Variants in FAM135B observed in about 807,000 individuals in gnomAD.
FAM135B encodes family with sequence similarity 135 member B, also known as protein FAM135B.
Under a neutral mutation model 127.7 loss-of-function variants are expected in FAM135B, and 43 were observed. The observed-to-expected ratio is 0.34, with a 90% CI of 0.26 to 0.43. FAM135B has a LOEUF of 0.43. FAM135B is among the 20% of genes least tolerant of loss of function. The pLI, the probability that FAM135B is intolerant of heterozygous loss-of-function variation, is 1.00. For synonymous variants in FAM135B, 670 were observed against 665.1 expected (o/e 1.01, Z -0.11); for missense variants, 1,558 against 1,725.6 (o/e 0.90, Z 1.72).
At position 138,241,352 on chromosome 8, in the gene FAM135B, A is replaced by G. The variant is rs1820755154; in HGVS notation, c.669+1590T>C. ...ACAAGTCACCGGAGTCTACCCTGGA[A>G]CTGGTCTTATTTGGCTCTAAAATCT... On this transcript the variant is annotated intron_variant, in intron 7 of 19. Coordinates refer to ENST00000395297, the MANE Select transcript of FAM135B (RefSeq NM_015912.4). The surrounding 1 kb of genome is among the most constrained non-coding windows in gnomAD (Gnocchi z 4.8). Among the ~76,000 whole-genome samples the G allele has an allele frequency of 6.6e-6, 1 of 152,160 alleles. No homozygotes were observed. Among genetic ancestry groups the G allele is most frequent in the Non-Finnish European group, 1.5e-5 (1 of 68,022 alleles).
At chr8:138,300,863 G>A (rs1211737614) in intron 3 of FAM135B, among the ~76,000 whole-genome samples, 1 of 148,380 alleles carries the variant, frequency 6.7e-6, no homozygotes, top group African/African-American at 2.5e-5. Context: ...CGATTCTCCT[G>A]CCTCAGTCTC....
chr8:138,391,045 A>T (rs891227027), intron 1 of FAM135B, among the ~76,000 whole-genome samples: 3 of 152,116 alleles, frequency 2.0e-5, no homozygotes, highest in Non-Finnish European at 4.4e-5. Flanking sequence ...TATTCAGGGC[A>T]GCAGCAGATC....
At chr8:138,334,832 C>A (rs534499483) in intron 2 of FAM135B, among the ~76,000 whole-genome samples, 1 of 152,004 alleles carries the variant, frequency 6.6e-6, no homozygotes, top group Admixed American at 6.6e-5. Flanking sequence ...TTTGCTATTG[C>A]GAATAGTGCT....
At chr8:138,355,933 GA>G (rs1439272215) in intron 2 of FAM135B, among the ~76,000 whole-genome samples, 1 of 152,154 alleles carries the variant, frequency 6.6e-6, no homozygotes, top group Non-Finnish European at 1.5e-5. Flanking sequence ...AGGCCCTTTG[GA>G]ATGTGATTAA....
chr8:138,366,562 A>C (rs1830750408), intron 2 of FAM135B, among the ~76,000 whole-genome samples: 1 of 152,192 alleles, frequency 6.6e-6, no homozygotes, highest in Non-Finnish European at 1.5e-5. Flanking sequence ...TCCTTCCCTG[A>C]AACAGAAAGC....
Position 138,243,068 on chromosome 8 carries a change from AC to A in FAM135B, c.543-1del. 1 of 1,605,084 alleles carries A rather than the reference AC, an allele frequency of 6.2e-7. No individual in the cohort carries two copies. The highest frequency in any genetic ancestry group is 8.5e-7 in the Non-Finnish European group (1 of 1,177,278). On this transcript the variant is annotated splice_acceptor_variant, in intron 6 of 19. Coordinates refer to ENST00000395297, the MANE Select transcript of FAM135B (RefSeq NM_015912.4). LOFTEE classifies it high-confidence loss of function. This position sits in a 1 kb window ranked among gnomAD's most constrained non-coding sequence, Gnocchi z 7.5. Reference sequence around the variant, plus strand: ...AGGAGCCTCTTCCTGGACGAGTAAAACTAAACAAAAGATAATTGAAAGGGTG... The same window carrying A: ...AGGAGCCTCTTCCTGGACGAGTAAAATAAACAAAAGATAATTGAAAGGGTG...
At chr8:138,490,807 G>A (rs995280183) in intron 1 of FAM135B, among the ~76,000 whole-genome samples, 4 of 152,052 alleles carry the variant, frequency 2.6e-5, no homozygotes, top group Admixed American at 6.6e-5. Flanking sequence ...TCACTTCAAC[G>A]TCTGCTAAAT....
intron 7 of FAM135B, among the ~76,000 whole-genome samples, chr8:138,207,866 A>G (rs1318181713): frequency 6.6e-6 from 1 of 152,178 alleles, no homozygotes. Flanking sequence ...GCATCCTGCA[A>G]GGGAGGCTGG....
At chr8:138,350,789 T>C (rs1829728504) in intron 2 of FAM135B, among the ~76,000 whole-genome samples, 1 of 152,240 alleles carries the variant, frequency 6.6e-6, no homozygotes, top group South Asian at 2.1e-4. Flanking sequence ...CTGTGTGATA[T>C]ATAAGCTAAT....
At chr8:138,219,078 C>CA (rs1206854268) in intron 7 of FAM135B, among the ~76,000 whole-genome samples, 1 of 152,180 alleles carries the variant, frequency 6.6e-6, no homozygotes, top group Non-Finnish European at 1.5e-5. Context: ...AATAACCACA[C>CA]ATCTGAACAC....
At position 138,153,230 on chromosome 8, in the gene FAM135B, A is replaced by G. The variant is rs1818353851; in HGVS notation, c.1259-14T>C. 4.1e-6 allele frequency: 5 copies of G among 1,207,166 alleles called. No individual in the cohort carries two copies. Among genetic ancestry groups the G allele is most frequent in the African/African-American group, 3.1e-5 (2 of 64,876 alleles). 74.8% of individuals were successfully genotyped at this position (1,207,166 alleles called of 1,614,324 possible). A position where few individuals can be genotyped will look rare whatever the true frequency, so the allele number is the denominator to read the frequency against. On this transcript the variant is annotated splice_polypyrimidine_tract_variant and intron_variant, in intron 12 of 19. Coordinates refer to ENST00000395297, the MANE Select transcript of FAM135B (RefSeq NM_015912.4). ...TCAAGTTATGCCCTACAAAAAAAAA[A>G]GAAAGAAAATTATATTATAGTGTAA...
Position 138,153,057 on chromosome 8 carries a change from T to G in FAM135B, c.1418A>C (p.Asp473Ala). 6.2e-7 allele frequency: 1 copy of G among 1,614,204 alleles called. No individual in the cohort carries two copies. Among genetic ancestry groups the G allele is most frequent in the South Asian group, 1.1e-5 (1 of 91,076 alleles). Residue 473 changes from aspartate to alanine, a missense_variant, in exon 13 of 20, where the codon GAT becomes GCT. Physicochemically the swap from Asp to Ala is moderately radical, Grantham distance 126. Coordinates refer to ENST00000395297, the MANE Select transcript of FAM135B (RefSeq NM_015912.4). ...STIKPSQMDS[D>A]EEVIRCPEPG... ...CTCTGGACACCTTATAACTTCTTCATCAGAATCCATTTGGGATGGTTTTAT... is the reference window on the plus strand; with the variant it reads ...CTCTGGACACCTTATAACTTCTTCAGCAGAATCCATTTGGGATGGTTTTAT...
chr8:138,323,502 A>G (rs1512393), intron 2 of FAM135B, among the ~76,000 whole-genome samples: 59,937 of 152,048 alleles, frequency 0.39, 11,985 homozygotes, highest in East Asian at 0.54. Flanking sequence ...TGTGGTTGTT[A>G]AAGCAGGCTT....
chr8:138,243,196 T>A lies in FAM135B; in HGVS notation c.543-128A>T, dbSNP rs1208494024. ...AGTCATTTAGGAGTAGTTCACCCCCTAGGGAGTGTTTGCATGTGACATTTG... is the reference window on the plus strand; with the variant it reads ...AGTCATTTAGGAGTAGTTCACCCCCAAGGGAGTGTTTGCATGTGACATTTG... On this transcript the variant is annotated intron_variant, in intron 6 of 19. Transcript: ENST00000395297. This position sits in a 1 kb window ranked among gnomAD's most constrained non-coding sequence, Gnocchi z 7.5. 2 of 1,088,848 alleles carry A rather than the reference T, an allele frequency of 1.8e-6. No individual in the cohort carries two copies. Among genetic ancestry groups the A allele is most frequent in the Non-Finnish European group, 2.5e-6 (2 of 789,582 alleles). 67.4% of individuals were successfully genotyped at this position (1,088,848 alleles called of 1,614,324 possible).
intron 2 of FAM135B, among the ~76,000 whole-genome samples, chr8:138,323,784 C>G (rs1015554353): frequency 6.6e-6 from 1 of 152,210 alleles, no homozygotes; most frequent in Non-Finnish European, 1.5e-5. Context: ...TCTGACTTCT[C>G]TCACTGCCTT....
At chr8:138,240,226 T>G (rs1051871572) in intron 7 of FAM135B, among the ~76,000 whole-genome samples, 17 of 152,194 alleles carry the variant, frequency 1.1e-4, no homozygotes, top group African/African-American at 4.1e-4. Flanking sequence ...ATAGGAGGCA[T>G]TTGTAACCAG....
intron 19 of FAM135B, among the ~76,000 whole-genome samples, chr8:138,133,346 GA>G (rs753798577): frequency 7.9e-5 from 12 of 152,186 alleles, no homozygotes; most frequent in Non-Finnish European, 1.5e-4. Flanking sequence ...GTTTCCACCT[GA>G]AAGTGACACA....
chr8:138,275,851 C>T (rs951597524), intron 3 of FAM135B, among the ~76,000 whole-genome samples: 12 of 152,148 alleles, frequency 7.9e-5, no homozygotes, highest in Admixed American at 4.6e-4. Context: ...ACAGAGCTGA[C>T]GCTTTGTGCT....
intron 1 of FAM135B, among the ~76,000 whole-genome samples, chr8:138,463,631 T>C (rs1032329955): frequency 6.6e-6 from 1 of 152,162 alleles, no homozygotes; most frequent in Admixed American, 6.5e-5. Context: ...CCAAAGGTCC[T>C]GTAACCAAAT....
Sources: gnomAD v4.1 joint callset for allele counts (sites outside exome capture counted in the v4.1 genomes callset) on GRCh38, gnomAD v4.1.1 for gene constraint, Gnocchi (gnomAD v3.1) non-coding constraint, MANE v1.5 for transcripts, NCBI Gene and HGNC (gene_info 2026-07-23, HGNC 2026-07-21) for gene names.